Variants in EPB41L1 observed in about 807,000 individuals in gnomAD.
EPB41L1 encodes erythrocyte membrane protein band 4.1 like 1.
EPB41L1 carries 29 observed loss-of-function variants against 97.8 expected under a neutral mutation model. That is an observed-to-expected ratio of 0.30 (90% confidence interval 0.22 to 0.40). The LOEUF (loss-of-function observed/expected upper bound fraction) is 0.40. Among genes scored for constraint, EPB41L1 ranks in the 10% least tolerant of loss-of-function variants. The pLI, the probability that EPB41L1 is intolerant of heterozygous loss-of-function variation, is 1.00. For missense variants in EPB41L1, 812 were observed against 1,162.3 expected, an observed-to-expected ratio of 0.70 and a Z score of 4.38; for synonymous variants, 383 against 459.2, an observed-to-expected ratio of 0.83 and a Z score of 2.12.
chr20:36,221,571 G>A (rs971593856), intron 19 of EPB41L1, among the ~76,000 whole-genome samples: 1 of 152,220 alleles, frequency 6.6e-6, no homozygotes, highest in African/African-American at 2.4e-5. Flanking sequence ...TGCTCAGGCA[G>A]TACCAAGGCA....
intron 9 of EPB41L1, among the ~76,000 whole-genome samples, chr20:36,189,708 T>C (rs904598010): frequency 1.3e-5 from 2 of 152,208 alleles, no homozygotes; most frequent in African/African-American, 4.8e-5. Flanking sequence ...TCATTCCCCT[T>C]GTAGCCCTGA....
chr20:36,101,588 C>T (rs767811687), intron 1 of EPB41L1, among the ~76,000 whole-genome samples: 6 of 152,194 alleles, frequency 3.9e-5, no homozygotes, highest in Non-Finnish European at 7.3e-5. Flanking sequence ...TTGTGAAACA[C>T]CTAAAAGGGG....
rs202074519 is a variant in EPB41L1, at chr20:36,197,811, G to A, written c.1486-48G>A. On this transcript the variant is annotated intron_variant, in intron 13 of 21. Coordinates refer to ENST00000338074, the MANE Select transcript of EPB41L1 (RefSeq NM_012156.2). ...CATCATCCCTGCACCCTGCATCCCC[G>A]CTTGGAGCTGTTCCCCTAACACCAC... The A allele has an allele frequency of 2.0e-5, 32 of 1,613,718 alleles. No individual in the cohort carries two copies. The African/African-American group carries it at 2.9e-4, about 15-fold the overall frequency.
At position 36,207,276 on chromosome 20, in the gene EPB41L1, G is replaced by A; in HGVS notation, c.1669-2212G>A. The A allele has an allele frequency of 7.8e-7, 1 of 1,280,742 alleles. No homozygotes were observed. Among genetic ancestry groups the A allele is most frequent in the Non-Finnish European group, 1.0e-6 (1 of 983,398 alleles). The allele number at this position is 1,280,742 out of a possible 1,614,324, so 79.3% of individuals were successfully genotyped here. A position where few individuals can be genotyped will look rare whatever the true frequency, so the allele number is the denominator to read the frequency against. On this transcript the variant is annotated intron_variant, in intron 14 of 21. Coordinates refer to ENST00000338074, the MANE Select transcript of EPB41L1 (RefSeq NM_012156.2). The surrounding 1 kb of genome is among the most constrained non-coding windows in gnomAD (Gnocchi z 4.9). ...TGGTGTCCCCTGCCACAGGAGGTGA[G>A]CGCAGGCCTCCTCCCATCACCAGCA...
At chr20:36,100,680 T>C (rs2057983832) in intron 1 of EPB41L1, among the ~76,000 whole-genome samples, 1 of 152,200 alleles carries the variant, frequency 6.6e-6, no homozygotes, top group Admixed American at 6.5e-5. Context: ...TCTAGATCTG[T>C]CCGAAGCCCA....
chr20:36,191,208 C>T (rs986350401), intron 11 of EPB41L1, among the ~76,000 whole-genome samples: 1 of 152,174 alleles, frequency 6.6e-6, no homozygotes, highest in Non-Finnish European at 1.5e-5. Flanking sequence ...GTGTCCCTTA[C>T]ACTGGTCATC....
At chr20:36,165,978 C>A (rs1170415521) in intron 1 of EPB41L1, among the ~76,000 whole-genome samples, 1 of 152,222 alleles carries the variant, frequency 6.6e-6, no homozygotes, top group Non-Finnish European at 1.5e-5. Flanking sequence ...TGCCTCTTTG[C>A]ACGTGTGCAT....
chr20:36,152,998 C>T (rs546254871), upstream of EPB41L1: 138 of 456,686 alleles, frequency 3.0e-4, 2 homozygotes, highest in Middle Eastern at 2.3e-3. Context: ...CTGGGAGAAG[C>T]TGGCTTCATT....
chr20:36,099,908 G>A (rs1601202539), intron 1 of EPB41L1, among the ~76,000 whole-genome samples: 1 of 152,340 alleles, frequency 6.6e-6, no homozygotes, highest in East Asian at 1.9e-4. Context: ...TGCAACAGGA[G>A]AGTGTCCTGC....
chr20:36,229,502 A>G lies in EPB41L1; in HGVS notation c.*162A>G. 5.8e-6 allele frequency: 4 copies of G among 686,020 alleles called. No homozygotes were observed. The highest frequency in any genetic ancestry group is 2.7e-5 in the East Asian group (1 of 36,410). 42.5% of individuals were successfully genotyped at this position (686,020 alleles called of 1,614,324 possible). On this transcript the variant is annotated 3_prime_UTR_variant, in exon 22 of 22. Coordinates refer to ENST00000338074, the MANE Select transcript of EPB41L1 (RefSeq NM_012156.2). ...GGGAAAAGCATATATATATAGATATATAGAGATATAGATATATATACAGGA... is the reference window on the plus strand; with the variant it reads ...GGGAAAAGCATATATATATAGATATGTAGAGATATAGATATATATACAGGA...
At chr20:36,152,155 T>G (rs1367119719), upstream of EPB41L1, 1 of 152,080 alleles carries the variant, frequency 6.6e-6, no homozygotes, top group Non-Finnish European at 1.5e-5. Context: ...CACAAGATGC[T>G]GTGCAGATGA....
At chr20:36,126,069 A>T (rs1019693010) in intron 2 of EPB41L1, among the ~76,000 whole-genome samples, 9 of 152,150 alleles carry the variant, frequency 5.9e-5, no homozygotes, top group Non-Finnish European at 2.9e-5. Flanking sequence ...GTGGGTTTTG[A>T]TGCCTGTAGT....
chr20:36,205,731 G>C (rs1396528970), intron 14 of EPB41L1: 2 of 1,057,640 alleles, frequency 1.9e-6, no homozygotes, highest in Non-Finnish European at 2.4e-6. Context: ...GGGATGTGCT[G>C]TCCCAAAGTC....
intron 2 of EPB41L1, among the ~76,000 whole-genome samples, chr20:36,143,759 T>A (rs1360682398): frequency 2.0e-5 from 3 of 152,166 alleles, no homozygotes; most frequent in Non-Finnish European, 2.9e-5. Context: ...TGCATACCCA[T>A]GTACATTTTT....
chr20:36,118,110 CA>C (rs1298851158), intron 2 of EPB41L1, among the ~76,000 whole-genome samples: 2 of 152,212 alleles, frequency 1.3e-5, no homozygotes, highest in African/African-American at 4.8e-5. Flanking sequence ...TCGCTGCATT[CA>C]GGACAGCTTA....
At chr20:36,133,750 A>G (rs1300964170) in intron 2 of EPB41L1, among the ~76,000 whole-genome samples, 1 of 151,840 alleles carries the variant, frequency 6.6e-6, no homozygotes, top group African/African-American at 2.4e-5. Context: ...CCAACTACTC[A>G]GGAGGCTGAG....
intron 1 of EPB41L1, among the ~76,000 whole-genome samples, chr20:36,167,328 A>G (rs1170150764): frequency 6.6e-6 from 1 of 152,180 alleles, no homozygotes; most frequent in Non-Finnish European, 1.5e-5. Context: ...GATGCTGAAT[A>G]GATGGGCAAC....
At chr20:36,151,187 TC>T (rs1799766527), upstream of EPB41L1, 1 of 152,338 alleles carries the variant, frequency 6.6e-6, no homozygotes, top group African/African-American at 2.4e-5. Context: ...TCACTTCCGT[TC>T]TCCTCCTGGC....
chr20:36,176,856 T>G (rs1335704074), intron 3 of EPB41L1, among the ~76,000 whole-genome samples: 3 of 152,152 alleles, frequency 2.0e-5, no homozygotes, highest in African/African-American at 7.2e-5. Context: ...GGTCTCAAAC[T>G]CCTGGCCTCA....
Sources: allele counts gnomAD v4.1 joint callset (sites outside exome capture counted in the v4.1 genomes callset), GRCh38; gene constraint gnomAD v4.1.1; non-coding constraint Gnocchi (gnomAD v3.1); transcripts MANE v1.5; gene names NCBI Gene and HGNC (gene_info 2026-07-23, HGNC 2026-07-21).